The following TXN2 variants were observed in gnomAD, a reference collection of about 807,000 sequenced individuals.
TXN2 encodes thioredoxin 2.
TXN2 carries 12 observed loss-of-function variants against 14.6 expected under a neutral mutation model. The observed-to-expected ratio is 0.82, with a 90% CI of 0.53 to 1.33. The LOEUF is 1.33. TXN2 is among the 40% of genes most tolerant of loss of function. The pLI, the probability that TXN2 is intolerant of heterozygous loss-of-function variation, is 0.00. For synonymous variants in TXN2, 89 were observed against 81.0 expected (o/e 1.10, Z -0.53); for missense variants, 173 against 207.7 (o/e 0.83, Z 1.03).
At chr22:36,476,947 C>A in intron 2 of TXN2, 91 bp from the exon 3 acceptor site, 1 of 1,571,638 alleles carries the variant, frequency 6.4e-7, no homozygotes, top group South Asian at 1.2e-5. Context: ...TCCAAGGAAT[C>A]TTTTGCCCTT....
chr22:36,470,886 A>C (rs780878524), intron 3 of TXN2, among the ~76,000 whole-genome samples: 3 of 152,158 alleles, frequency 2.0e-5, no homozygotes, highest in African/African-American at 7.2e-5. Flanking sequence ...TCAGGTAGAC[A>C]GCAGATGTGC....
At chr22:36,477,888 G>A (rs1933418590) in intron 2 of TXN2, among the ~76,000 whole-genome samples, 1 of 152,130 alleles carries the variant, frequency 6.6e-6, no homozygotes, top group Admixed American at 6.6e-5. Flanking sequence ...TATAATTCCA[G>A]CACTTTGGGA....
chr22:36,479,876 C>T (rs910960777), intron 2 of TXN2, among the ~76,000 whole-genome samples: 2 of 150,428 alleles, frequency 1.3e-5, no homozygotes, highest in African/African-American at 5.0e-5. Context: ...GTAGTGACAC[C>T]GATAACTTTT....
chr22:36,469,172 C>T (rs6000282), intron 3 of TXN2, among the ~76,000 whole-genome samples: 1 of 152,200 alleles, frequency 6.6e-6, no homozygotes, highest in Non-Finnish European at 1.5e-5. Context: ...TCAGTGTTCT[C>T]AGATGCAGGA....
chr22:36,473,180 C>G lies in TXN2; in HGVS notation c.387+3553G>C, dbSNP rs527819644. Among the ~76,000 whole-genome samples the G allele has an allele frequency of 2.0e-5, 3 of 152,098 alleles. No homozygotes were observed. In the South Asian group the frequency reaches 6.2e-4, roughly 32 times the overall value. On this transcript the variant is annotated intron_variant, in intron 3 of 3. Coordinates refer to ENST00000216185, the MANE Select transcript of TXN2 (RefSeq NM_012473.4). The stretch of plus-strand genomic sequence containing the variant: ...AAATTAGGCCAGGTGTAGTGGCTCA[C>G]GCCCGCAATCCTAGCACTTTGGGAG...
intron 1 of TXN2, chr22:36,481,049 C>A (rs559346954): frequency 1.2e-4 from 58 of 484,460 alleles, no homozygotes; most frequent in Admixed American, 1.9e-4. Context: ...GGAAAACTGG[C>A]TTCACAACCA....
intron 2 of TXN2, among the ~76,000 whole-genome samples, chr22:36,479,957 C>T (rs1933465124): frequency 6.6e-6 from 1 of 151,138 alleles, no homozygotes; most frequent in South Asian, 2.1e-4. Flanking sequence ...ATCTTCAGCT[C>T]ACTACAAACA....
At chr22:36,468,839 C>T (rs532506612) in intron 3 of TXN2, 13 of 288,126 alleles carry the variant, frequency 4.5e-5, no homozygotes, top group African/African-American at 2.5e-4. Context: ...GTCAGGAGTT[C>T]GAGACCAGCC....
intron 3 of TXN2, among the ~76,000 whole-genome samples, chr22:36,475,814 C>A (rs1319890425): frequency 6.6e-6 from 1 of 152,154 alleles, no homozygotes; most frequent in Non-Finnish European, 1.5e-5. Flanking sequence ...AACAGACAAA[C>A]CAACCAACCA....
At chr22:36,477,367 C>T (rs573747956) in intron 2 of TXN2, among the ~76,000 whole-genome samples, 3 of 152,290 alleles carry the variant, frequency 2.0e-5, no homozygotes, top group South Asian at 2.1e-4. Flanking sequence ...GCCAACACGC[C>T]CAGCTAATTT....
At chr22:36,468,115 G>A (rs1480461547) in intron 3 of TXN2, among the ~76,000 whole-genome samples, 198 bp from the exon 4 acceptor site, 1 of 152,174 alleles carries the variant, frequency 6.6e-6, no homozygotes, top group Admixed American at 6.5e-5. Context: ...CTGAAGAAAC[G>A]TCTTCCATTG....
chr22:36,480,882 T>A, intron 1 of TXN2, 45 bp from the exon 2 acceptor site: 3 of 1,508,788 alleles, frequency 2.0e-6, no homozygotes, highest in South Asian at 1.3e-5. Context: ...CAAAAGGAAG[T>A]CGACACACTA....
intron 3 of TXN2, 97 bp downstream of exon 3, chr22:36,476,636 C>T: frequency 6.6e-7 from 1 of 1,525,036 alleles, no homozygotes; most frequent in Non-Finnish European, 8.8e-7. Context: ...TGCTTACTGG[C>T]TACCTGTGCT....
Position 36,476,583 on chromosome 22 carries a change from T to C in TXN2, c.387+150A>G, listed in dbSNP as rs375898873. ...CTCTAGCCCAGGTGACAGTGAGAGA[T>C]TCCGTCTCAAAAAAAAAAAGCTCTG... On this transcript the variant is annotated intron_variant, in intron 3 of 3. Transcript: ENST00000216185. The C allele has an allele frequency of 6.9e-4, 769 of 1,117,692 alleles. 4 individuals carry two copies. The African/African-American group carries it at 0.011, about 16-fold the overall frequency. The allele number at this position is 1,117,692 out of a possible 1,614,324, so 69.2% of individuals were successfully genotyped here. A position where few individuals can be genotyped will look rare whatever the true frequency, so the allele number is the denominator to read the frequency against.
chr22:36,478,233 AG>A (rs1173839806), intron 2 of TXN2, among the ~76,000 whole-genome samples: 1 of 151,858 alleles, frequency 6.6e-6, no homozygotes, highest in African/African-American at 2.4e-5. Context: ...CCCTGATCAT[AG>A]GTATTCCCCT....
rs1048871250 is a variant in TXN2 at position 36,473,081 on chromosome 22, C to T, written c.387+3652G>A. 5.3e-5 allele frequency among the ~76,000 whole-genome samples: 8 copies of T among 151,966 alleles called. No individual in the cohort carries two copies. The East Asian group carries it at 7.7e-4, about 15-fold the overall frequency. ...CAGCACTCTGGGAGGCCGAGGTGGG[C>T]GAATCACTTGAGGTGAGGAGTTTGA... On this transcript the variant is annotated intron_variant, in intron 3 of 3. Coordinates refer to ENST00000216185, the MANE Select transcript of TXN2 (RefSeq NM_012473.4).
chr22:36,471,319 G>A (rs555411282), intron 3 of TXN2, among the ~76,000 whole-genome samples: 1 of 152,262 alleles, frequency 6.6e-6, no homozygotes, highest in South Asian at 2.1e-4. Flanking sequence ...CAGGAGTGGG[G>A]GAGTGTGTAC....
intron 2 of TXN2, among the ~76,000 whole-genome samples, chr22:36,480,328 G>A (rs192396832): frequency 1.3e-5 from 2 of 152,322 alleles, no homozygotes; most frequent in Admixed American, 6.5e-5. Flanking sequence ...TAAAGATGAC[G>A]CTGAGCTTTC....
intron 2 of TXN2, among the ~76,000 whole-genome samples, chr22:36,477,501 C>T (rs1232413828): frequency 6.6e-6 from 1 of 152,204 alleles, no homozygotes. Context: ...AGCCACCGCG[C>T]CCGGCCTGGG....
Sources: allele counts gnomAD v4.1 joint callset (sites outside exome capture counted in the v4.1 genomes callset), GRCh38; gene constraint gnomAD v4.1.1; transcripts MANE v1.5; gene names NCBI Gene and HGNC (gene_info 2026-07-23, HGNC 2026-07-21).